PLAC1: variants seen among roughly 807,000 people sequenced by gnomAD.
PLAC1 encodes placenta associated 1.
For missense variants in PLAC1, 136 were observed against 163.2 expected, an observed-to-expected ratio of 0.83 and a Z score of 0.91; for synonymous variants, 68 against 62.1, an observed-to-expected ratio of 1.09 and a Z score of -0.44.
intron 1 of PLAC1, among the ~76,000 whole-genome samples, chrX:134,629,723 G>A (rs180789576): frequency 2.0e-4 from 22 of 111,330 alleles, no homozygotes; most frequent in African/African-American, 7.2e-4. Context: ...GTCCAGACAT[G>A]AGGTGCACAG....
intron 2 of PLAC1, among the ~76,000 whole-genome samples, chrX:134,699,339 A>G (rs1431880306): frequency 9.0e-6 from 1 of 111,453 alleles, no homozygotes; most frequent in East Asian, 2.8e-4. Flanking sequence ...CTGCCTAATG[A>G]GGACACAGCA....
intron 1 of PLAC1, among the ~76,000 whole-genome samples, chrX:134,734,046 C>T (rs1419682737): frequency 9.0e-6 from 1 of 111,680 alleles, no homozygotes; most frequent in Non-Finnish European, 1.9e-5. Flanking sequence ...GGATGAAACA[C>T]AGTAAACCAG....
intron 2 of PLAC1, among the ~76,000 whole-genome samples, chrX:134,594,185 T>C (rs2078052353): frequency 8.9e-6 from 1 of 112,011 alleles, no homozygotes; most frequent in Non-Finnish European, 1.9e-5. Context: ...CTTTAGCTGT[T>C]AATATGGTGG....
chrX:134,744,844 C>T (rs781476184), intron 1 of PLAC1, among the ~76,000 whole-genome samples: 3 of 111,541 alleles, frequency 2.7e-5, no homozygotes, highest in Non-Finnish European at 5.6e-5. Context: ...AGTTAGAGGA[C>T]ACAAGCATTT....
chrX:134,723,764 T>C (rs1321543030), intron 2 of PLAC1, among the ~76,000 whole-genome samples: 4 of 111,856 alleles, frequency 3.6e-5, no homozygotes, highest in African/African-American at 9.8e-5. Context: ...TTAGATTCCA[T>C]TGAATACCTT....
chrX:134,604,313 C>T (rs990386809), intron 1 of PLAC1, among the ~76,000 whole-genome samples: 5 of 112,499 alleles, frequency 4.4e-5, no homozygotes, highest in East Asian at 2.8e-4. Context: ...TTTAGGATTC[C>T]ATTCCCTAAT....
chrX:134,719,645 C>T (rs2078652246), intron 2 of PLAC1, among the ~76,000 whole-genome samples: 1 of 110,722 alleles, frequency 9.0e-6, no homozygotes, highest in Non-Finnish European at 1.9e-5. Flanking sequence ...AAAAAATTAG[C>T]TGGGCGTGGT....
intron 2 of PLAC1, among the ~76,000 whole-genome samples, chrX:134,597,236 C>T (rs1022277686): frequency 8.1e-5 from 9 of 111,283 alleles, no homozygotes; most frequent in Non-Finnish European, 1.5e-4. Flanking sequence ...TCAAGTTCAC[C>T]GATTTTTTTC....
At chrX:134,578,175 AG>A (rs2077950274) in intron 2 of PLAC1, among the ~76,000 whole-genome samples, 2 of 111,334 alleles carry the variant, frequency 1.8e-5, no homozygotes, top group Admixed American at 1.9e-4. Context: ...GCACTTTGGG[AG>A]GCCCAGGTGG....
chrX:134,574,050 A>G (rs1207668542), intron 2 of PLAC1, among the ~76,000 whole-genome samples: 1 of 108,252 alleles, frequency 9.2e-6, no homozygotes, highest in Admixed American at 9.9e-5. Context: ...GTAGGAAGAT[A>G]AATTTTCTCT....
chrX:134,686,512 C>A (rs894263326), intron 2 of PLAC1, among the ~76,000 whole-genome samples: 1 of 111,915 alleles, frequency 8.9e-6, no homozygotes, highest in East Asian at 2.8e-4. Flanking sequence ...GAGAGTGTGA[C>A]GTGCTCAGTC....
At chrX:134,647,834 G>C (rs2078342258) in intron 1 of PLAC1, among the ~76,000 whole-genome samples, 1 of 111,288 alleles carries the variant, frequency 9.0e-6, no homozygotes, top group Non-Finnish European at 1.9e-5. Context: ...TGCATTCAGG[G>C]GAAGACGAAC....
chrX:134,726,259 A>G (rs1183757380), intron 2 of PLAC1, among the ~76,000 whole-genome samples: 1 of 111,296 alleles, frequency 9.0e-6, no homozygotes, highest in East Asian at 2.8e-4. Flanking sequence ...CATCTCAAGC[A>G]TTACCTCCTG....
chrX:134,751,752 C>T (rs999513491), intron 1 of PLAC1, among the ~76,000 whole-genome samples: 3 of 111,509 alleles, frequency 2.7e-5, no homozygotes, highest in African/African-American at 9.8e-5. Flanking sequence ...TGCAAAAGCC[C>T]GGTCCTCTGC....
chrX:134,597,616 G>GT (rs756359457), intron 2 of PLAC1, among the ~76,000 whole-genome samples: 1 of 111,643 alleles, frequency 9.0e-6, no homozygotes, highest in African/African-American at 3.3e-5. Context: ...GGTTTTAGTG[G>GT]TTTTTTTCTG....
intron 2 of PLAC1, among the ~76,000 whole-genome samples, chrX:134,695,869 T>C (rs1191895721): frequency 9.0e-6 from 1 of 110,917 alleles, no homozygotes; most frequent in Admixed American, 9.6e-5. Flanking sequence ...TCCCCTTTTG[T>C]AAACTGAAAG....
At chrX:134,669,031 G>A (rs886188649) in intron 2 of PLAC1, among the ~76,000 whole-genome samples, 2 of 112,591 alleles carry the variant, frequency 1.8e-5, no homozygotes, top group East Asian at 5.6e-4. Context: ...TCTGGCCTTT[G>A]TGGTTCCTGG....
intron 2 of PLAC1, among the ~76,000 whole-genome samples, chrX:134,592,203 T>C (rs1007117286): frequency 3.3e-4 from 37 of 112,424 alleles, no homozygotes; most frequent in African/African-American, 1.2e-3. Flanking sequence ...TAAGACCTTT[T>C]TGCCTAAGCT....
chrX:134,619,171 T>TC (rs769803513), intron 1 of PLAC1, among the ~76,000 whole-genome samples: 1 of 112,231 alleles, frequency 8.9e-6, no homozygotes, highest in East Asian at 2.8e-4. Context: ...ACCATTTTTT[T>TC]CACCCAGTTT....
Sources: allele counts gnomAD v4.1 joint callset (sites outside exome capture counted in the v4.1 genomes callset), GRCh38; gene constraint gnomAD v4.1.1; transcripts MANE v1.5; gene names NCBI Gene and HGNC (gene_info 2026-07-23, HGNC 2026-07-21).